Variants in R3HDM1 observed in about 807,000 individuals in gnomAD.
R3HDM1 encodes the protein R3H domain containing 1.
A neutral mutation model predicts 141.1 loss-of-function variants in R3HDM1; 46 were observed. That is an observed-to-expected ratio of 0.33 (90% CI 0.26 to 0.42). The LOEUF (loss-of-function observed/expected upper bound fraction) is 0.42. Ranked by LOEUF, R3HDM1 falls within the 10% of genes least tolerant of loss-of-function variation. R3HDM1 has a pLI of 1.00. For missense variants in R3HDM1, 1,184 were observed against 1,368.3 expected, an observed-to-expected ratio of 0.87 and a Z score of 2.12; for synonymous variants, 435 against 472.9, an observed-to-expected ratio of 0.92 and a Z score of 1.04.
chr2:135,533,489 T>G (rs1695370653), intron 1 of R3HDM1, among the ~76,000 whole-genome samples: 1 of 152,246 alleles, frequency 6.6e-6, no homozygotes, highest in South Asian at 2.1e-4. Context: ...ATTTTCTTCC[T>G]GGCTGTTGGA....
intron 15 of R3HDM1, among the ~76,000 whole-genome samples, chr2:135,644,427 C>T (rs746943781): frequency 3.8e-4 from 58 of 152,130 alleles, no homozygotes; most frequent in Non-Finnish European, 6.6e-4. Flanking sequence ...TGCTTGAACC[C>T]GGGGGAGGCT....
At chr2:135,568,886 G>A (rs541342819) in intron 1 of R3HDM1, 1 of 152,294 alleles carries the variant, frequency 6.6e-6, no homozygotes, top group East Asian at 1.9e-4. Context: ...GTCAAATAAT[G>A]TGTAAGAGGA....
chr2:135,670,115 GCAGA>G (rs2068101109), intron 19 of R3HDM1: 1 of 172,844 alleles, frequency 5.8e-6, no homozygotes, highest in African/African-American at 3.1e-5. Context: ...GGGCGACAGA[GCAGA>G]CAGAGCAAGA....
intron 21 of R3HDM1, among the ~76,000 whole-genome samples, chr2:135,683,299 A>C (rs2070669326): frequency 1.3e-5 from 2 of 152,154 alleles, no homozygotes; most frequent in Non-Finnish European, 2.9e-5. Context: ...CACGCCTGTA[A>C]TCCCAGCACT....
chr2:135,615,307 T>C (rs1279709463), intron 3 of R3HDM1, among the ~76,000 whole-genome samples: 6 of 152,110 alleles, frequency 3.9e-5, no homozygotes, highest in African/African-American at 1.2e-4. Flanking sequence ...ATCTGTTTTA[T>C]GTTTGTTACC....
chr2:135,547,907 GGGACTACA>G (rs1220361299), intron 1 of R3HDM1, among the ~76,000 whole-genome samples: 2 of 151,476 alleles, frequency 1.3e-5, no homozygotes, highest in African/African-American at 4.9e-5. Context: ...CCGAGTAGCT[GGGACTACA>G]GGCGCGTGCC....
intron 21 of R3HDM1, among the ~76,000 whole-genome samples, chr2:135,686,431 C>A (rs1369434670): frequency 6.6e-6 from 1 of 152,126 alleles, no homozygotes; most frequent in East Asian, 1.9e-4. Flanking sequence ...ACCTAAATGT[C>A]AATTGGTGGA....
intron 21 of R3HDM1, among the ~76,000 whole-genome samples, chr2:135,706,106 G>T (rs182794313): frequency 2.0e-5 from 3 of 150,814 alleles, no homozygotes; most frequent in African/African-American, 7.3e-5. Flanking sequence ...TCCAGCCTGG[G>T]TGACAAAGGG....
chr2:135,611,642 G>A (rs1205337150), intron 3 of R3HDM1, among the ~76,000 whole-genome samples: 1 of 151,918 alleles, frequency 6.6e-6, no homozygotes, highest in Admixed American at 6.6e-5. Flanking sequence ...TTCTGTATCT[G>A]TATGCTGTAT....
chr2:135,719,222 G>T (rs1182934432), intron 24 of R3HDM1, among the ~76,000 whole-genome samples: 1 of 151,928 alleles, frequency 6.6e-6, no homozygotes, highest in East Asian at 1.9e-4. Flanking sequence ...GAAACAGTAT[G>T]CGTCATACAG....
intron 1 of R3HDM1, among the ~76,000 whole-genome samples, chr2:135,540,558 C>T (rs564570302): frequency 1.3e-4 from 20 of 152,228 alleles, no homozygotes; most frequent in African/African-American, 4.8e-4. Flanking sequence ...TGGTGCATGC[C>T]ACCACATCCG....
At chr2:135,676,021 A>G (rs2069124715) in intron 20 of R3HDM1, among the ~76,000 whole-genome samples, 1 of 152,166 alleles carries the variant, frequency 6.6e-6, no homozygotes, top group South Asian at 2.1e-4. Context: ...TATGTCTCAT[A>G]TTTTAAATTG....
chr2:135,617,334 A>AT (rs544658980), intron 5 of R3HDM1, among the ~76,000 whole-genome samples: 10,149 of 151,092 alleles, frequency 0.067, 720 homozygotes, highest in African/African-American at 0.18. Flanking sequence ...CTCAAAAAAA[A>AT]ATATATATAT....
chr2:135,660,563 C>T (rs754722934), intron 18 of R3HDM1, among the ~76,000 whole-genome samples: 4 of 151,876 alleles, frequency 2.6e-5, no homozygotes, highest in East Asian at 1.9e-4. Context: ...TTAAAATACT[C>T]GCCCAGGCTC....
intron 1 of R3HDM1, among the ~76,000 whole-genome samples, chr2:135,564,422 C>T (rs1356500559): frequency 2.6e-5 from 4 of 152,290 alleles, no homozygotes; most frequent in South Asian, 2.1e-4. Flanking sequence ...CAGGTTCAAG[C>T]GATTCTCCTG....
At chr2:135,546,938 T>A (rs1698817953) in intron 1 of R3HDM1, among the ~76,000 whole-genome samples, 1 of 152,140 alleles carries the variant, frequency 6.6e-6, no homozygotes, top group Non-Finnish European at 1.5e-5. Context: ...TCCCAAAATG[T>A]TGGGATTACA....
At chr2:135,617,343 A>G (rs945679604) in intron 5 of R3HDM1, among the ~76,000 whole-genome samples, 5 of 151,644 alleles carry the variant, frequency 3.3e-5, no homozygotes, top group Non-Finnish European at 7.4e-5. Context: ...AAATATATAT[A>G]TATATTAAGG....
chr2:135,591,471 G>T (rs1256756934), intron 1 of R3HDM1, among the ~76,000 whole-genome samples: 1 of 152,162 alleles, frequency 6.6e-6, no homozygotes, highest in Admixed American at 6.5e-5. Flanking sequence ...CAAAGTCTGT[G>T]TAAAGCAAAT....
intron 1 of R3HDM1, among the ~76,000 whole-genome samples, chr2:135,537,696 G>A (rs13404579): frequency 9.6e-5 from 14 of 145,338 alleles, no homozygotes; most frequent in East Asian, 6.2e-4. Flanking sequence ...TCACTCTGTC[G>A]CCCAGGGTGG....
Sources: allele counts gnomAD v4.1 joint callset (sites outside exome capture counted in the v4.1 genomes callset), GRCh38; gene constraint gnomAD v4.1.1; transcripts MANE v1.5; gene names NCBI Gene and HGNC (gene_info 2026-07-23, HGNC 2026-07-21).